The following BCKDHB variants were observed in gnomAD, a reference collection of about 807,000 sequenced individuals.
BCKDHB encodes 2-oxoisovalerate dehydrogenase subunit beta, mitochondrial.
BCKDHB carries 41 observed loss-of-function variants against 48.5 expected under a neutral mutation model. The ratio of observed to expected loss-of-function variants is 0.85; its 90% CI spans 0.66 to 1.10. The LOEUF is 1.10. Among genes scored for constraint, BCKDHB ranks in the 50% least tolerant of loss-of-function variants. The pLI, the probability that BCKDHB is intolerant of heterozygous loss-of-function variation, is 0.00. For missense variants in BCKDHB, 496 were observed against 494.2 expected (o/e 1.00, Z -0.03); for synonymous variants, 201 against 174.8 (o/e 1.15, Z -1.18).
intron 8 of BCKDHB, among the ~76,000 whole-genome samples, chr6:80,252,020 G>A (rs866709958): frequency 2.6e-5 from 4 of 152,296 alleles, no homozygotes; most frequent in African/African-American, 9.6e-5. Flanking sequence ...GCTTACTGTA[G>A]GCATTACGTT....
chr6:80,426,066 C>T, the BCKDHB span, among the ~76,000 whole-genome samples: 1 of 152,276 alleles, frequency 6.6e-6, no homozygotes, highest in East Asian at 1.9e-4. Context: ...TTTGCCTAAT[C>T]ACCACACTTT....
At chr6:80,374,825 G>A in the BCKDHB span, among the ~76,000 whole-genome samples, 1 of 152,092 alleles carries the variant, frequency 6.6e-6, no homozygotes, top group African/African-American at 2.4e-5. Context: ...TTTTTTAGCA[G>A]TACTTGTAGT....
chr6:80,385,434 AC>A, the BCKDHB span, among the ~76,000 whole-genome samples: 3 of 152,164 alleles, frequency 2.0e-5, no homozygotes, highest in Non-Finnish European at 2.9e-5. Context: ...GTGTGGGAGG[AC>A]CCTGTTGAAG....
intron 9 of BCKDHB, among the ~76,000 whole-genome samples, chr6:80,285,950 G>A (rs1354265880): frequency 1.3e-5 from 2 of 152,076 alleles, no homozygotes; most frequent in Admixed American, 6.6e-5. Context: ...GTCTCTGTGT[G>A]TGTGTGTATA....
rs141608466 is a variant in BCKDHB, at chr6:80,215,887, G to A, written c.951+12675G>A. Reference sequence around the variant, plus strand: ...CTCCTGAGTAGCTGGAACTACAGGCGTGCACCACCATGCCCGTCTAATTTT... The same window carrying A: ...CTCCTGAGTAGCTGGAACTACAGGCATGCACCACCATGCCCGTCTAATTTT... On this transcript the variant is annotated intron_variant, in intron 8 of 9. Transcript: ENST00000320393. 1.5e-3 allele frequency among the ~76,000 whole-genome samples: 231 copies of A among 152,124 alleles called. 1 individual carries two copies. Among genetic ancestry groups the A allele is most frequent in the African/African-American group, 5.2e-3 (215 of 41,500 alleles).
chr6:80,224,178 G>A (rs1189587546), intron 8 of BCKDHB, among the ~76,000 whole-genome samples: 1 of 152,116 alleles, frequency 6.6e-6, no homozygotes, highest in Non-Finnish European at 1.5e-5. Flanking sequence ...TCAGGTCTCA[G>A]TGGCTCCGTT....
At chr6:80,321,524 A>G (rs1768719878) in intron 9 of BCKDHB, among the ~76,000 whole-genome samples, 1 of 152,172 alleles carries the variant, frequency 6.6e-6, no homozygotes, top group Non-Finnish European at 1.5e-5. Context: ...TGTGAGGCTG[A>G]TAAGGGCCCT....
chr6:80,378,432 A>C, the BCKDHB span, among the ~76,000 whole-genome samples: 1 of 151,938 alleles, frequency 6.6e-6, no homozygotes, highest in Non-Finnish European at 1.5e-5. Context: ...TTATGGCTGA[A>C]CAGTATTCCA....
At chr6:80,279,443 G>A (rs114704487) in intron 9 of BCKDHB, among the ~76,000 whole-genome samples, 2,210 of 151,904 alleles carry the variant, frequency 0.015, 46 homozygotes, top group East Asian at 0.053. Context: ...GGCGTGAGCC[G>A]CCAGACCCAT....
chr6:80,241,906 A>C (rs1054864046), intron 8 of BCKDHB, among the ~76,000 whole-genome samples: 3 of 152,104 alleles, frequency 2.0e-5, no homozygotes, highest in Non-Finnish European at 4.4e-5. Context: ...ATTGGGGGAA[A>C]ATTTTTCTTA....
At chr6:80,398,348 A>G in the BCKDHB span, among the ~76,000 whole-genome samples, 1 of 152,196 alleles carries the variant, frequency 6.6e-6, no homozygotes, top group Non-Finnish European at 1.5e-5. Context: ...CTAAAGAAGA[A>G]AAGAAAGAAG....
intron 8 of BCKDHB, among the ~76,000 whole-genome samples, chr6:80,247,660 T>C (rs1776670844): frequency 6.6e-6 from 1 of 152,238 alleles, no homozygotes; most frequent in African/African-American, 2.4e-5. Context: ...GTCTGTACTT[T>C]TGGATGCTTT....
At chr6:80,415,792 A>G in the BCKDHB span, among the ~76,000 whole-genome samples, 2 of 152,018 alleles carry the variant, frequency 1.3e-5, no homozygotes, top group Non-Finnish European at 1.5e-5. Flanking sequence ...TCATAGAATG[A>G]GTTGGGTAGG....
At chr6:80,123,002 C>T (rs181913954) in intron 1 of BCKDHB, among the ~76,000 whole-genome samples, 43 of 127,380 alleles carry the variant, frequency 3.4e-4, no homozygotes, top group East Asian at 1.7e-3. Context: ...GCATTCCTTT[C>T]CCTGGGTATT....
At chr6:80,377,704 G>A in the BCKDHB span, among the ~76,000 whole-genome samples, 1 of 152,140 alleles carries the variant, frequency 6.6e-6, no homozygotes, top group African/African-American at 2.4e-5. Flanking sequence ...CTATTCTTAT[G>A]CCAGTAATAT....
chr6:80,386,816 CA>C, the BCKDHB span, among the ~76,000 whole-genome samples: 5 of 152,062 alleles, frequency 3.3e-5, no homozygotes, highest in African/African-American at 9.7e-5. Context: ...GTTGAATGGA[CA>C]AAAGACTAAT....
intron 6 of BCKDHB, among the ~76,000 whole-genome samples, chr6:80,172,518 G>A (rs2127780677): frequency 6.6e-6 from 1 of 151,968 alleles, no homozygotes; most frequent in East Asian, 1.9e-4. Context: ...AGTTACTAAG[G>A]AAAGTAGCTT....
rs1769094791 is a variant in BCKDHB, at chr6:80,106,875, A to G, written c.182A>G (p.Glu61Gly). The change falls in exon 1 of 10, where the codon GAG (glutamate) becomes GGG (glycine). Residue 61 changes from glutamate to glycine, a missense_variant. Coordinates refer to ENST00000320393, the MANE Select transcript of BCKDHB (RefSeq NM_183050.4). ...VAHFTFQPDP[E>G]PREYGQTQKM... is the part of the protein sequence containing the mutation. ...CATTTTACTTTCCAGCCAGATCCGG[A>G]GCCCCGGGAGTACGGTGAGCCCTGG... 6.2e-7 allele frequency: 1 copy of G among 1,607,544 alleles called. No homozygotes were observed. Among genetic ancestry groups the G allele is most frequent in the East Asian group, 2.2e-5 (1 of 44,676 alleles).
the BCKDHB span, among the ~76,000 whole-genome samples, chr6:80,420,389 A>G: frequency 1.3e-5 from 2 of 152,280 alleles, no homozygotes; most frequent in Middle Eastern, 6.8e-3. Context: ...GTTCCTTCTC[A>G]GAAGGAAAGT....
Sources: gnomAD v4.1 joint callset for allele counts (sites outside exome capture counted in the v4.1 genomes callset) on GRCh38, gnomAD v4.1.1 for gene constraint, MANE v1.5 for transcripts, NCBI Gene and HGNC (gene_info 2026-07-23, HGNC 2026-07-21) for gene names.